The following MCCC2 variants were observed in gnomAD, a reference collection of about 807,000 sequenced individuals.
MCCC2 encodes methylcrotonoyl-CoA carboxylase beta chain, mitochondrial.
MCCC2 carries 52 observed loss-of-function variants against 77.2 expected under a neutral mutation model. That is an observed-to-expected ratio of 0.67 (90% CI 0.54 to 0.85). The LOEUF (loss-of-function observed/expected upper bound fraction) is 0.85, where lower values mean the gene tolerates loss of function less well. Ranked by LOEUF, MCCC2 falls within the 40% of genes least tolerant of loss-of-function variation. The probability of loss-of-function intolerance (pLI) is 0.00; values close to 1 mark genes in which losing one functional copy is unlikely to be tolerated. For synonymous variants in MCCC2, 253 were observed against 248.4 expected (o/e 1.02, Z -0.18); for missense variants, 682 against 703.2 (o/e 0.97, Z 0.34).
chr5:71,651,435 A>G (rs1204442346), intron 15 of MCCC2, among the ~76,000 whole-genome samples: 1 of 152,150 alleles, frequency 6.6e-6, no homozygotes, highest in Non-Finnish European at 1.5e-5. Flanking sequence ...ATTAATTTTT[A>G]TTAGTTACAA....
At chr5:71,656,105 C>CT (rs1747571447) in intron 16 of MCCC2, among the ~76,000 whole-genome samples, 1 of 152,152 alleles carries the variant, frequency 6.6e-6, no homozygotes, top group Admixed American at 6.5e-5. Flanking sequence ...ATACCAGCTG[C>CT]TAGGGAGGCT....
chr5:71,618,448 A>C (rs1175202604), intron 6 of MCCC2, among the ~76,000 whole-genome samples: 1 of 151,816 alleles, frequency 6.6e-6, no homozygotes, highest in Non-Finnish European at 1.5e-5. Flanking sequence ...GTGAAAAGTA[A>C]ATTTCTTTTT....
chr5:71,635,672 C>A (rs2112439670), intron 10 of MCCC2: 2 of 319,020 alleles, frequency 6.3e-6, no homozygotes, highest in South Asian at 5.6e-5. Context: ...AATGATTAGA[C>A]CTGATTACAG....
chr5:71,623,611 C>T (rs1746432659), intron 6 of MCCC2, among the ~76,000 whole-genome samples: 2 of 152,216 alleles, frequency 1.3e-5, no homozygotes, highest in Non-Finnish European at 2.9e-5. Context: ...GACAATCCAT[C>T]ACTTGCCATA....
intron 6 of MCCC2, among the ~76,000 whole-genome samples, chr5:71,621,457 G>A (rs6453057): frequency 0.035 from 5,373 of 152,282 alleles, 316 homozygotes; most frequent in African/African-American, 0.12. Context: ...TTAGTTGGGC[G>A]TGGTGGTGCA....
intron 7 of MCCC2, among the ~76,000 whole-genome samples, chr5:71,629,219 A>G (rs278001): frequency 0.44 from 65,623 of 150,660 alleles, 14,575 homozygotes; most frequent in South Asian, 0.47. Flanking sequence ...AAAAAAAGAA[A>G]GAAAGAAACA....
chr5:71,650,221 C>A lies in MCCC2; in HGVS notation c.1488+38C>A, dbSNP rs528831563. On this transcript the variant is annotated intron_variant, in intron 15 of 16. Transcript: ENST00000340941. ...TTCTCTTGTTTCTCTCTGGTTTTGC[C>A]TCTCACCATAAACACCCTGGAGCCA... 3.2e-6 allele frequency: 5 copies of A among 1,583,782 alleles called. No homozygotes were observed. In the South Asian group the frequency reaches 5.5e-5, roughly 18 times the overall value.
rs34190236 is a variant in MCCC2, at chr5:71,598,606, ATT to A, written c.282-1033_282-1032del. Reference sequence around the variant, plus strand: ...AGGCACGTGCCTCCACGCCTGGCTAATTTTTTTTTTTTTTTTTTTTTGTATTT... The same window carrying A: ...AGGCACGTGCCTCCACGCCTGGCTAATTTTTTTTTTTTTTTTTTTGTATTT... On this transcript the variant is annotated intron_variant, in intron 3 of 16. Transcript: ENST00000340941. Among the ~76,000 whole-genome samples, 1,094 of 115,296 alleles carry A rather than the reference ATT, an allele frequency of 9.5e-3. 11 individuals are homozygous for A. Among genetic ancestry groups the A allele is most frequent in the African/African-American group, 0.032 (966 of 30,432 alleles). The allele number at this position is 115,296 out of a possible 152,430, so 75.6% of individuals were successfully genotyped here.
At chr5:71,602,864 T>C in intron 5 of MCCC2, 1 of 587,494 alleles carries the variant, frequency 1.7e-6, no homozygotes. Context: ...CCAGTTTTTT[T>C]CTCTATGTGT....
chr5:71,601,385 G>A (rs1222101394), intron 4 of MCCC2, among the ~76,000 whole-genome samples: 2 of 152,210 alleles, frequency 1.3e-5, no homozygotes, highest in Non-Finnish European at 2.9e-5. Flanking sequence ...ACTCTGGAGT[G>A]TGAGGTTATG....
rs148871510 is a variant in MCCC2 at position 71,642,324 on chromosome 5, G to A, written c.1072+1249G>A. ...AGGCATAAAGGGTGAGGAGGTGAGAGGGAAGGACAGATTTTTCTGGTTCTC... is the reference window on the plus strand; with the variant it reads ...AGGCATAAAGGGTGAGGAGGTGAGAAGGAAGGACAGATTTTTCTGGTTCTC... On this transcript the variant is annotated intron_variant, in intron 11 of 16. Transcript: ENST00000340941. Among the ~76,000 whole-genome samples, 57 of 152,176 alleles carry A rather than the reference G, an allele frequency of 3.7e-4. 1 individual carries two copies. Among genetic ancestry groups the A allele is most frequent in the African/African-American group, 1.3e-3 (52 of 41,502 alleles).
intron 7 of MCCC2, among the ~76,000 whole-genome samples, chr5:71,627,757 T>C (rs571923903): frequency 6.6e-6 from 1 of 152,258 alleles, no homozygotes; most frequent in East Asian, 1.9e-4. Flanking sequence ...CAGCCATCTT[T>C]GGGGGTGTGA....
At chr5:71,638,949 G>C (rs992286802) in intron 10 of MCCC2, among the ~76,000 whole-genome samples, 1 of 152,216 alleles carries the variant, frequency 6.6e-6, no homozygotes, top group Non-Finnish European at 1.5e-5. Flanking sequence ...CTCTATCAGA[G>C]TCTTGAGTGA....
chr5:71,635,479 T>G (rs1746884720), intron 10 of MCCC2: 1 of 577,246 alleles, frequency 1.7e-6, no homozygotes, highest in African/African-American at 1.9e-5. Context: ...AAGTTTTCAT[T>G]GCGCAAAAAG....
rs1259770476 is a variant in MCCC2 at position 71,658,611 on chromosome 5, A to T, written c.*1751A>T. ...GAATGAAAAATCCATATTGTAATTG[A>T]TGTCCTCTGGCCACATAGTTTTAAA... On this transcript the variant is annotated 3_prime_UTR_variant, in exon 17 of 17. Transcript: ENST00000340941. The T allele has an allele frequency of 6.6e-6, 1 of 152,194 alleles. No homozygotes were observed. Among genetic ancestry groups the T allele is most frequent in the Non-Finnish European group, 1.5e-5 (1 of 68,046 alleles). 9.4% of individuals were successfully genotyped at this position (152,194 alleles called of 1,614,324 possible). A position where few individuals can be genotyped will look rare whatever the true frequency, so the allele number is the denominator to read the frequency against.
intron 6 of MCCC2, among the ~76,000 whole-genome samples, chr5:71,613,406 A>T (rs1397492801): frequency 1.3e-5 from 2 of 152,240 alleles, no homozygotes; most frequent in East Asian, 3.8e-4. Flanking sequence ...ACTTCTTGGA[A>T]TAAGCAATAC....
At chr5:71,596,442 A>AT (rs1745191729) in intron 3 of MCCC2, 78 bp downstream of exon 3, 4 of 1,262,886 alleles carry the variant, frequency 3.2e-6, no homozygotes, top group Non-Finnish European at 4.6e-6. Flanking sequence ...TAAATCAGTT[A>AT]TTTTGAATTC....
At chr5:71,640,583 G>A (rs71628005) in intron 10 of MCCC2, among the ~76,000 whole-genome samples, 1,633 of 151,912 alleles carry the variant, frequency 0.011, 11 homozygotes, top group Non-Finnish European at 0.018. Context: ...GACTCAGAGG[G>A]GTGAAGTGAC....
intron 6 of MCCC2, among the ~76,000 whole-genome samples, chr5:71,621,208 C>T (rs1031220834): frequency 1.3e-5 from 2 of 150,650 alleles, no homozygotes; most frequent in Admixed American, 6.6e-5. Context: ...GAAGCAGATA[C>T]AGGAAGAAGC....
Sources: allele counts gnomAD v4.1 joint callset (sites outside exome capture counted in the v4.1 genomes callset), GRCh38; gene constraint gnomAD v4.1.1; transcripts MANE v1.5; gene names NCBI Gene and HGNC (gene_info 2026-07-23, HGNC 2026-07-21).